The following SLC4A4 variants were observed in gnomAD, a reference collection of about 807,000 sequenced individuals.
SLC4A4 encodes solute carrier family 4 member 4, also known as electrogenic sodium bicarbonate cotransporter 1.
Under a neutral mutation model 111.5 loss-of-function variants are expected in SLC4A4, and 27 were observed. The ratio of observed to expected loss-of-function variants is 0.24; its 90% CI spans 0.18 to 0.33. SLC4A4 has a LOEUF of 0.33. Among genes scored for constraint, SLC4A4 ranks in the 10% least tolerant of loss-of-function variants. The pLI is 1.00. For missense variants in SLC4A4, 909 were observed against 1,315.5 expected (o/e 0.69, Z 4.78); for synonymous variants, 443 against 463.4 (o/e 0.96, Z 0.57).
At chr4:71,219,662 C>G (rs925132987) in intron 1 of SLC4A4, among the ~76,000 whole-genome samples, 1 of 152,058 alleles carries the variant, frequency 6.6e-6, no homozygotes, top group Non-Finnish European at 1.5e-5. Context: ...AAATTGAAAA[C>G]CTTCTGAAAA....
At chr4:71,211,967 C>T (rs536494731) in intron 1 of SLC4A4, among the ~76,000 whole-genome samples, 3 of 152,122 alleles carry the variant, frequency 2.0e-5, no homozygotes, top group East Asian at 1.9e-4. Flanking sequence ...GATTTACAAC[C>T]AAATTCACGG....
chr4:71,159,966 ATGTGT>A (rs1744576266), intron 2 of SLC4A4, among the ~76,000 whole-genome samples: 1 of 152,182 alleles, frequency 6.6e-6, no homozygotes, highest in Non-Finnish European at 1.5e-5. Flanking sequence ...GAAAAGAAAG[ATGTGT>A]ATTTCTGCAA....
At chr4:71,273,086 G>T (rs1476675423) in intron 3 of SLC4A4, among the ~76,000 whole-genome samples, 2 of 152,140 alleles carry the variant, frequency 1.3e-5, no homozygotes, top group African/African-American at 4.8e-5. Flanking sequence ...TGTTCTGAAT[G>T]CTTGATAAGA....
chr4:71,270,446 A>G (rs1184932342), intron 3 of SLC4A4, among the ~76,000 whole-genome samples: 8 of 152,202 alleles, frequency 5.3e-5, no homozygotes, highest in Admixed American at 5.2e-4. Context: ...AATACTAGGA[A>G]TTTCCTTCTT....
chr4:71,131,375 T>C (rs1466676400), intron 2 of SLC4A4, among the ~76,000 whole-genome samples: 1 of 152,160 alleles, frequency 6.6e-6, no homozygotes, highest in Non-Finnish European at 1.5e-5. Flanking sequence ...AAACTACTCA[T>C]CCTAAAAGCT....
Position 71,348,313 on chromosome 4 carries a change from T to TCACACACA in SLC4A4, c.390-1565_390-1558dup, listed in dbSNP as rs35326504. Among the ~76,000 whole-genome samples, 770 of 143,842 alleles carry TCACACACA rather than the reference T, an allele frequency of 5.4e-3. 13 individuals are homozygous for TCACACACA. In the South Asian group the frequency reaches 0.06, roughly 11 times the overall value. 94.4% of individuals were successfully genotyped at this position (143,842 alleles called of 152,430 possible). ...TCAAAGTGAAGAAATACTAATTTAG[T>TCACACACA]CACACACACACACACACACACACAC... On this transcript the variant is annotated intron_variant, in intron 4 of 25. Coordinates refer to ENST00000264485, the MANE Select transcript of SLC4A4 (RefSeq NM_001098484.3).
chr4:71,434,612 C>T (rs553978196), intron 7 of SLC4A4: 2 of 151,798 alleles, frequency 1.3e-5, no homozygotes, highest in East Asian at 3.9e-4. Context: ...TAAGATTATT[C>T]AAAGAGGAAG....
intron 3 of SLC4A4, among the ~76,000 whole-genome samples, chr4:71,323,567 G>A (rs1193610233): frequency 6.6e-6 from 1 of 152,044 alleles, no homozygotes. Context: ...AGGCAGATAT[G>A]CCCTGGTGGT....
At chr4:71,202,036 T>C (rs1218224352) in intron 1 of SLC4A4, among the ~76,000 whole-genome samples, 2 of 152,218 alleles carry the variant, frequency 1.3e-5, no homozygotes, top group Non-Finnish European at 2.9e-5. Flanking sequence ...GAGCAGTTCA[T>C]AACCAGGGGA....
upstream of SLC4A4, among the ~76,000 whole-genome samples, chr4:71,182,714 T>TCACA (rs77414889): frequency 0.014 from 2,078 of 146,432 alleles, 46 homozygotes; most frequent in African/African-American, 0.046. Context: ...TATGTACATT[T>TCACA]CACACACACA....
At position 71,546,544 on chromosome 4, in the gene SLC4A4, G is replaced by A. The variant is rs985408657; in HGVS notation, c.2621+16G>A. 4 of 1,609,698 alleles carry A rather than the reference G, an allele frequency of 2.5e-6. No individual in the cohort carries two copies. The highest frequency in any genetic ancestry group is 3.4e-5 in the Admixed American group (2 of 59,634). On this transcript the variant is annotated intron_variant, in intron 19 of 25. Transcript: ENST00000264485. Reference sequence around the variant, plus strand: ...TAGGAGTGAGGTGTGTTAACTCAGAGGAAAATGGCTCCCGAAAACACACTG... The same window carrying A: ...TAGGAGTGAGGTGTGTTAACTCAGAAGAAAATGGCTCCCGAAAACACACTG...
chr4:71,510,874 T>C (rs544094169), intron 16 of SLC4A4, among the ~76,000 whole-genome samples: 2 of 152,290 alleles, frequency 1.3e-5, no homozygotes, highest in African/African-American at 4.8e-5. Context: ...ATCTTTTGTG[T>C]GTCTTCTAGA....
intron 1 of SLC4A4, among the ~76,000 whole-genome samples, chr4:71,227,213 A>G (rs1357123127): frequency 6.6e-6 from 1 of 152,136 alleles, no homozygotes; most frequent in African/African-American, 2.4e-5. Context: ...GTTAACTAAG[A>G]TGATATATTA....
At chr4:71,307,277 C>T (rs951195357) in intron 3 of SLC4A4, among the ~76,000 whole-genome samples, 1 of 152,170 alleles carries the variant, frequency 6.6e-6, no homozygotes, top group African/African-American at 2.4e-5. Context: ...GCATTGTATG[C>T]ACATGCATTT....
chr4:71,499,001 C>T (rs772386553), intron 16 of SLC4A4, among the ~76,000 whole-genome samples: 3 of 152,236 alleles, frequency 2.0e-5, no homozygotes, highest in Middle Eastern at 3.4e-3. Context: ...GGGAAATGTG[C>T]TTTCTTGATA....
intron 3 of SLC4A4, among the ~76,000 whole-genome samples, chr4:71,306,566 A>C (rs1346946191): frequency 1.6e-4 from 25 of 152,110 alleles, no homozygotes; most frequent in Admixed American, 1.6e-3. Context: ...TTGGCAACAG[A>C]GTGAGACTCC....
chr4:71,085,506 C>T (rs1407700485), intron 1 of SLC4A4, among the ~76,000 whole-genome samples: 3 of 151,978 alleles, frequency 2.0e-5, no homozygotes, highest in Non-Finnish European at 4.4e-5. Context: ...ATGGTATTGC[C>T]TAGGTTTTCT....
At chr4:71,107,653 A>G (rs1742977688) in intron 2 of SLC4A4, among the ~76,000 whole-genome samples, 1 of 152,058 alleles carries the variant, frequency 6.6e-6, no homozygotes, top group South Asian at 2.1e-4. Context: ...CCGGCTGTTT[A>G]GTTGATTTTT....
At chr4:71,492,393 C>G (rs1375828531) in intron 15 of SLC4A4, among the ~76,000 whole-genome samples, 1 of 151,880 alleles carries the variant, frequency 6.6e-6, no homozygotes, top group Non-Finnish European at 1.5e-5. Context: ...CAGATCCACT[C>G]AGTATAACAG....
Sources: allele counts gnomAD v4.1 joint callset (sites outside exome capture counted in the v4.1 genomes callset), GRCh38; gene constraint gnomAD v4.1.1; transcripts MANE v1.5; gene names NCBI Gene and HGNC (gene_info 2026-07-23, HGNC 2026-07-21).